GPR158: variants seen among roughly 807,000 people sequenced by gnomAD.
GPR158 encodes the protein G protein-coupled receptor 158.
Under a neutral mutation model 78.2 loss-of-function variants are expected in GPR158, and 30 were observed. That is an observed-to-expected ratio of 0.38 (90% confidence interval 0.29 to 0.52). The LOEUF (loss-of-function observed/expected upper bound fraction) is 0.52. Among genes scored for constraint, GPR158 ranks in the 20% least tolerant of loss-of-function variants. GPR158 has a pLI of 0.83. For missense variants in GPR158, 1,463 were observed against 1,523.5 expected (o/e 0.96, Z 0.66); for synonymous variants, 581 against 591.1 (o/e 0.98, Z 0.25).
intron 2 of GPR158, among the ~76,000 whole-genome samples, chr10:25,352,406 A>G (rs1855487633): frequency 6.6e-6 from 1 of 152,086 alleles, no homozygotes; most frequent in Non-Finnish European, 1.5e-5. Context: ...GCAAAATTCT[A>G]AGATATTTCT....
chr10:25,544,210 T>C (rs1377953698), intron 5 of GPR158, among the ~76,000 whole-genome samples: 1 of 152,218 alleles, frequency 6.6e-6, no homozygotes, highest in Non-Finnish European at 1.5e-5. Flanking sequence ...GCTTTACTCC[T>C]GTGGCCAACA....
intron 6 of GPR158, among the ~76,000 whole-genome samples, chr10:25,564,459 T>C (rs1409138752): frequency 2.0e-5 from 3 of 152,196 alleles, no homozygotes; most frequent in Non-Finnish European, 2.9e-5. Context: ...CCGGGTAGCA[T>C]TGACTAATCC....
At chr10:25,205,863 A>AT (rs1853020072) in intron 1 of GPR158, among the ~76,000 whole-genome samples, 1 of 150,970 alleles carries the variant, frequency 6.6e-6, no homozygotes, top group Non-Finnish European at 1.5e-5. Flanking sequence ...TCTTTAGATG[A>AT]TTTTAGATTA....
At chr10:25,520,769 C>T (rs545105024) in intron 5 of GPR158, among the ~76,000 whole-genome samples, 213 of 152,322 alleles carry the variant, frequency 1.4e-3, no homozygotes, top group African/African-American at 5.1e-3. Flanking sequence ...AACCACTGCT[C>T]TCTTCAAAGC....
At chr10:25,396,634 A>G (rs1293708975) in intron 3 of GPR158, among the ~76,000 whole-genome samples, 2 of 150,324 alleles carry the variant, frequency 1.3e-5, no homozygotes, top group African/African-American at 5.0e-5. Context: ...CCTTGTCTCA[A>G]TAATAATAAT....
At chr10:25,437,886 A>C (rs1835019067) in intron 4 of GPR158, among the ~76,000 whole-genome samples, 1 of 152,226 alleles carries the variant, frequency 6.6e-6, no homozygotes, top group South Asian at 2.1e-4. Context: ...AGGACATTTC[A>C]TCTTTAATGA....
intron 2 of GPR158, among the ~76,000 whole-genome samples, chr10:25,303,949 A>G (rs61855496): frequency 0.015 from 2,244 of 152,266 alleles, 36 homozygotes; most frequent in Non-Finnish European, 0.02. Flanking sequence ...TCCTATCTCC[A>G]TCCCTGGTGA....
At chr10:25,451,259 A>G (rs182728892) in intron 4 of GPR158, among the ~76,000 whole-genome samples, 6 of 152,324 alleles carry the variant, frequency 3.9e-5, no homozygotes, top group African/African-American at 7.2e-5. Flanking sequence ...GCCTACCCAA[A>G]GGATTCATCA....
chr10:25,422,507 C>G (rs547349078), intron 4 of GPR158, among the ~76,000 whole-genome samples: 1 of 152,062 alleles, frequency 6.6e-6, no homozygotes, highest in Non-Finnish European at 1.5e-5. Context: ...TTATCTTCCA[C>G]GAACCCAGTT....
intron 3 of GPR158, among the ~76,000 whole-genome samples, chr10:25,411,553 T>G (rs1287464866): frequency 6.6e-6 from 1 of 152,170 alleles, no homozygotes; most frequent in African/African-American, 2.4e-5. Flanking sequence ...GCATCAACTT[T>G]CTTATTCCTA....
chr10:25,185,402 G>C (rs1417908780), intron 1 of GPR158, among the ~76,000 whole-genome samples: 1 of 152,094 alleles, frequency 6.6e-6, no homozygotes, highest in East Asian at 1.9e-4. Context: ...AATTTACATT[G>C]GTATGTCATC....
intron 2 of GPR158, among the ~76,000 whole-genome samples, chr10:25,348,603 G>A (rs940130078): frequency 6.6e-6 from 1 of 151,884 alleles, no homozygotes; most frequent in Non-Finnish European, 1.5e-5. Context: ...TACAACATCA[G>A]GAAATAGAAA....
intron 2 of GPR158, among the ~76,000 whole-genome samples, chr10:25,387,992 A>G (rs1331834329): frequency 6.9e-6 from 1 of 144,742 alleles, no homozygotes; most frequent in Non-Finnish European, 1.5e-5. Flanking sequence ...TTATGATTCA[A>G]TCTTGATAGC....
intron 4 of GPR158, among the ~76,000 whole-genome samples, chr10:25,425,190 T>G (rs1834803097): frequency 6.6e-6 from 1 of 152,188 alleles, no homozygotes; most frequent in Non-Finnish European, 1.5e-5. Context: ...TGTCTGTTAT[T>G]GGTGTATAGG....
At chr10:25,217,518 G>T (rs1055446048) in intron 1 of GPR158, among the ~76,000 whole-genome samples, 2 of 152,164 alleles carry the variant, frequency 1.3e-5, no homozygotes, top group Non-Finnish European at 2.9e-5. Flanking sequence ...TACAAACCAG[G>T]ATCTTTACTT....
At chr10:25,520,632 C>A (rs1413006608) in intron 5 of GPR158, among the ~76,000 whole-genome samples, 1 of 150,984 alleles carries the variant, frequency 6.6e-6, no homozygotes, top group Non-Finnish European at 1.5e-5. Context: ...AATACCCTGC[C>A]GTGTGAGGTG....
intron 5 of GPR158, among the ~76,000 whole-genome samples, chr10:25,501,738 G>C (rs1321796521): frequency 6.6e-6 from 1 of 152,172 alleles, no homozygotes; most frequent in African/African-American, 2.4e-5. Context: ...GTTGATGAGG[G>C]TGCTGGACAA....
At chr10:25,500,260 T>C (rs550036131) in intron 5 of GPR158, among the ~76,000 whole-genome samples, 1 of 152,148 alleles carries the variant, frequency 6.6e-6, no homozygotes. Context: ...TTGAATTTGG[T>C]TTGTTGGGAG....
chr10:25,414,849 A>G (rs1834638080), intron 4 of GPR158, among the ~76,000 whole-genome samples: 1 of 152,142 alleles, frequency 6.6e-6, no homozygotes, highest in African/African-American at 2.4e-5. Context: ...CAATTGTAAT[A>G]CAGAGGTAGC....
Sources: allele counts gnomAD v4.1 joint callset (sites outside exome capture counted in the v4.1 genomes callset), GRCh38; gene constraint gnomAD v4.1.1; transcripts MANE v1.5; gene names NCBI Gene and HGNC (gene_info 2026-07-23, HGNC 2026-07-21).